AUTS2: variants seen among roughly 807,000 people sequenced by gnomAD.
The protein encoded by AUTS2 is autism susceptibility gene 2 protein.
AUTS2 carries 17 observed loss-of-function variants against 112.4 expected under a neutral mutation model. The observed-to-expected ratio is 0.15, with a 90% CI of 0.10 to 0.23. AUTS2 has a LOEUF of 0.23. Ranked by LOEUF, AUTS2 falls within the 10% of genes least tolerant of loss-of-function variation. AUTS2 has a pLI of 1.00. For synonymous variants in AUTS2, 751 were observed against 702.7 expected, an observed-to-expected ratio of 1.07 and a Z score of -1.09; for missense variants, 1,510 against 1,701.6, an observed-to-expected ratio of 0.89 and a Z score of 1.98.
intron 4 of AUTS2, among the ~76,000 whole-genome samples, chr7:70,370,039 C>T (rs1276245186): frequency 6.6e-6 from 1 of 152,182 alleles, no homozygotes; most frequent in Non-Finnish European, 1.5e-5. Flanking sequence ...AGCCTAGCAC[C>T]TTGCAAGGGC....
At chr7:70,327,522 G>T (rs532751133) in intron 4 of AUTS2, among the ~76,000 whole-genome samples, 4 of 152,194 alleles carry the variant, frequency 2.6e-5, no homozygotes, top group African/African-American at 9.7e-5. Flanking sequence ...CATGGAAGGG[G>T]CTCTAGGTAT....
intron 5 of AUTS2, among the ~76,000 whole-genome samples, chr7:70,475,760 C>T (rs1797558485): frequency 6.6e-6 from 1 of 152,146 alleles, no homozygotes; most frequent in African/African-American, 2.4e-5. Context: ...TAATAGCGGC[C>T]AGGGACCATG....
At chr7:69,728,759 C>T (rs965917388) in intron 1 of AUTS2, among the ~76,000 whole-genome samples, 8 of 149,246 alleles carry the variant, frequency 5.4e-5, no homozygotes, top group African/African-American at 1.5e-4. Flanking sequence ...CTGAGTCCCT[C>T]TTTCTGAAAT....
At chr7:70,387,523 A>G (rs1793667111) in intron 4 of AUTS2, among the ~76,000 whole-genome samples, 1 of 152,124 alleles carries the variant, frequency 6.6e-6, no homozygotes, top group African/African-American at 2.4e-5. Flanking sequence ...AACTATGTGG[A>G]TAACTTCCAA....
At chr7:70,561,218 G>A (rs2129523299) in intron 5 of AUTS2, among the ~76,000 whole-genome samples, 1 of 152,272 alleles carries the variant, frequency 6.6e-6, no homozygotes, top group Non-Finnish European at 1.5e-5. Context: ...TTACCAGTAA[G>A]AACTGAACCC....
chr7:70,054,078 A>G (rs1013321367), intron 2 of AUTS2, among the ~76,000 whole-genome samples: 4 of 152,170 alleles, frequency 2.6e-5, no homozygotes, highest in African/African-American at 9.6e-5. Context: ...AATGTCTTCT[A>G]TGTGCACTAT....
intron 6 of AUTS2, among the ~76,000 whole-genome samples, chr7:70,739,429 C>T (rs1315150003): frequency 2.6e-5 from 4 of 151,144 alleles, no homozygotes; most frequent in Admixed American, 6.6e-5. Flanking sequence ...ATCTTCCCAC[C>T]TTGGCCTCCC....
chr7:70,333,751 G>A (rs1428320475), intron 4 of AUTS2, among the ~76,000 whole-genome samples: 1 of 152,102 alleles, frequency 6.6e-6, no homozygotes, highest in Non-Finnish European at 1.5e-5. Flanking sequence ...AGTGGGAGAT[G>A]AACAATGAGA....
At chr7:70,585,092 A>AC (rs1356177993) in intron 5 of AUTS2, among the ~76,000 whole-genome samples, 4 of 152,192 alleles carry the variant, frequency 2.6e-5, no homozygotes, top group African/African-American at 4.8e-5. Context: ...TGTGTTGGTA[A>AC]CCAGTTGGGA....
At chr7:70,445,756 TA>T (rs1403647554) in intron 5 of AUTS2, among the ~76,000 whole-genome samples, 1 of 152,208 alleles carries the variant, frequency 6.6e-6, no homozygotes, top group Non-Finnish European at 1.5e-5. Context: ...TGTATATGTG[TA>T]AACATTTAAT....
chr7:70,787,263 A>C lies in AUTS2; in HGVS notation c.2363A>C (p.Asn788Thr), dbSNP rs752606916. 1.9e-6 allele frequency: 3 copies of C among 1,614,002 alleles called. No homozygotes were observed. The Admixed American group carries it at 5.0e-5, about 27-fold the overall frequency. The change falls in exon 18 of 19, where the codon AAC becomes ACC. Residue 788 changes from asparagine to threonine, a missense_variant. Coordinates refer to ENST00000342771, the MANE Select transcript of AUTS2 (RefSeq NM_015570.4). Reference protein sequence around the residue: ...KDGPSVQNFSNPHEPWNRLHR... With the variant: ...KDGPSVQNFSTPHEPWNRLHR... ...GGCCCCAGTGTGCAGAACTTTAGCA[A>C]CCCTCACGAACCCTGGAACCGGCTG...
rs2129561488 is a variant in AUTS2 at position 70,789,794 on chromosome 7, G to A, written c.2578G>A (p.Val860Ile). The A allele has an allele frequency of 6.2e-6, 10 of 1,614,136 alleles. No homozygotes were observed. The highest frequency in any genetic ancestry group is 7.6e-6 in the Non-Finnish European group (9 of 1,180,008). Residue 860 changes from valine (V) to isoleucine (I), a missense_variant, in exon 19 of 19, where the codon GTC becomes ATC. Physicochemically the swap from Val to Ile is conservative, Grantham distance 29 (BLOSUM62 3). Transcript: ENST00000342771. ...RHSSHPSPAP[V>I]LPVNALGHTR... ...CTCCAGCCACCCTTCACCAGCACCT[G>A]TCCTCCCGGTGAATGCCCTGGGACA...
chr7:70,223,467 C>A (rs1293276789), intron 4 of AUTS2, among the ~76,000 whole-genome samples: 1 of 152,194 alleles, frequency 6.6e-6, no homozygotes, highest in African/African-American at 2.4e-5. Flanking sequence ...AAATTACTCT[C>A]ACTTCTGTGC....
rs900176211 is a variant in AUTS2, at chr7:69,689,390, G to A, written c.309+89428G>A. On this transcript the variant is annotated intron_variant, in intron 1 of 18. Coordinates refer to ENST00000342771, the MANE Select transcript of AUTS2 (RefSeq NM_015570.4). The stretch of plus-strand genomic sequence containing the variant: ...TTTTGAGACGGAGTCTCTCTCTGTC[G>A]CCTAGGCTGGAGTGCAGTGGCGCGA... Among the ~76,000 whole-genome samples the A allele has an allele frequency of 1.4e-4, 17 of 120,010 alleles. No homozygotes were observed. In the East Asian group the frequency reaches 1.7e-3, roughly 12 times the overall value. The allele number at this position is 120,010 out of a possible 152,430, so 78.7% of individuals were successfully genotyped here. A position where few individuals can be genotyped will look rare whatever the true frequency, so the allele number is the denominator to read the frequency against.
chr7:69,964,909 T>C (rs930337507), intron 2 of AUTS2, among the ~76,000 whole-genome samples: 1 of 151,970 alleles, frequency 6.6e-6, no homozygotes, highest in Non-Finnish European at 1.5e-5. Flanking sequence ...CCTCACTCCT[T>C]TCCTTGTCCA....
At chr7:69,999,611 G>A (rs755471233) in intron 2 of AUTS2, among the ~76,000 whole-genome samples, 8 of 151,978 alleles carry the variant, frequency 5.3e-5, no homozygotes, top group Admixed American at 1.3e-4. Flanking sequence ...TCCTTTCCTG[G>A]AGCAAGACAT....
intron 2 of AUTS2, among the ~76,000 whole-genome samples, chr7:69,929,534 A>G (rs1329383513): frequency 6.6e-6 from 1 of 150,772 alleles, no homozygotes. Context: ...TTCCTGTGCT[A>G]CTTTGATTTT....
At chr7:69,949,232 T>C (rs1328435102) in intron 2 of AUTS2, among the ~76,000 whole-genome samples, 1 of 152,238 alleles carries the variant, frequency 6.6e-6, no homozygotes, top group African/African-American at 2.4e-5. Flanking sequence ...ATGCATATGA[T>C]GTAACATACA....
At chr7:69,680,025 A>G (rs1455731926) in intron 1 of AUTS2, among the ~76,000 whole-genome samples, 1 of 152,198 alleles carries the variant, frequency 6.6e-6, no homozygotes, top group Non-Finnish European at 1.5e-5. Flanking sequence ...GTCTCTACAT[A>G]GATACTACAT....
Sources: allele counts gnomAD v4.1 joint callset (sites outside exome capture counted in the v4.1 genomes callset), GRCh38; gene constraint gnomAD v4.1.1; transcripts MANE v1.5; gene names NCBI Gene and HGNC (gene_info 2026-07-23, HGNC 2026-07-21).